The following XIST variants were observed in gnomAD, a reference collection of about 807,000 sequenced individuals.
The protein encoded by XIST is X inactive specific transcript (non-protein coding).
At chrX:73,852,103 AAT>A (rs756439452) in exon 1 of XIST, 4 of 530,165 alleles carry the variant, frequency 7.5e-6, no homozygotes, top group South Asian at 5.0e-5. Context: ...GGCAAGGAAA[AAT>A]AAAAAAAAAA....
At chrX:73,842,370 A>C in exon 1 of XIST, 1 of 551,167 alleles carries the variant, frequency 1.8e-6, no homozygotes, top group African/African-American at 2.2e-5. Context: ...AAAATAAAGG[A>C]TGGCAATCCA....
At chrX:73,830,704 C>T (rs1035163700) in intron 4 of XIST, among the ~76,000 whole-genome samples, 2 of 112,092 alleles carry the variant, frequency 1.8e-5, no homozygotes, top group African/African-American at 6.5e-5. Context: ...TTCTGTAAGG[C>T]TTTAAGAGAG....
intron 1 of XIST, chrX:73,841,209 T>C (rs140591860): frequency 3.4e-4 from 116 of 342,956 alleles, no homozygotes; most frequent in African/African-American, 2.7e-3. Flanking sequence ...CACATATGTG[T>C]ATTTATGCAT....
exon 1 of XIST, chrX:73,844,591 G>A: frequency 1.8e-6 from 1 of 559,029 alleles, no homozygotes; most frequent in African/African-American, 2.2e-5. Context: ...CAAATGTAAG[G>A]GTCTTATGGA....
At chrX:73,825,043 A>C (rs181491354) in exon 6 of XIST, 1 of 513,474 alleles carries the variant, frequency 1.9e-6, no homozygotes, top group East Asian at 3.6e-5. Flanking sequence ...TTTACAAAGC[A>C]CTTTAATATG....
At chrX:73,847,511 C>T in exon 1 of XIST, 1 of 513,735 alleles carries the variant, frequency 1.9e-6, no homozygotes, top group Non-Finnish European at 3.5e-6. Context: ...TGAGCCACCA[C>T]ACCCGGCCTC....
exon 1 of XIST, chrX:73,850,707 GGGGGGTGGGGAGGTGGGGGGTGGGGGGT>G (rs750226773): frequency 7.7e-6 from 2 of 259,118 alleles, no homozygotes; most frequent in African/African-American, 4.6e-5. Context: ...TAGGGGGGTA[GGGGGGTGGGGAGGTGGGGGGTGGGGGGT>G]GGGGGTGGGG....
chrX:73,834,621 A>C lies in XIST; in HGVS notation n.11407-1247T>G, dbSNP rs759935960. Among the ~76,000 whole-genome samples, 7 of 112,040 alleles carry C rather than the reference A, an allele frequency of 6.2e-5. No individual in the cohort carries two copies. The East Asian group carries it at 1.7e-3, about 27-fold the overall frequency. On this transcript the variant is annotated intron_variant and non_coding_transcript_variant, in intron 2 of 5. Transcript: ENST00000429829. ...CAAAGTCTTATGGAGAGAATAACTG[A>C]GTGGCACAGCCAGCCATCTGGTTCA...
At chrX:73,827,422 G>A (rs771397792) in exon 6 of XIST, 10 of 550,977 alleles carry the variant, frequency 1.8e-5, no homozygotes, top group Non-Finnish European at 2.0e-5. Context: ...AAGAAGCAGA[G>A]AACAAATACA....
exon 1 of XIST, chrX:73,852,334 G>A (rs760160741): frequency 1.3e-5 from 7 of 541,864 alleles, no homozygotes; most frequent in African/African-American, 2.3e-5. Flanking sequence ...CCACGGCCCC[G>A]TTGGGCAAAG....
intron 5 of XIST, chrX:73,828,113 T>A (rs759231593): frequency 7.8e-5 from 34 of 435,546 alleles, no homozygotes; most frequent in Non-Finnish European, 1.3e-4. Flanking sequence ...AAAAGTGTCA[T>A]TAGTAATTAT....
chrX:73,832,291 G>A (rs1304565810), intron 3 of XIST, among the ~76,000 whole-genome samples: 5 of 108,507 alleles, frequency 4.6e-5, no homozygotes, highest in African/African-American at 6.8e-5. Flanking sequence ...CTGAGATTGC[G>A]CCATTGCACT....
At chrX:73,825,731 C>A (rs1922235212) in exon 6 of XIST, 3 of 513,233 alleles carry the variant, frequency 5.8e-6, no homozygotes, top group Non-Finnish European at 1.0e-5. Flanking sequence ...AACTGTGGAC[C>A]CCTGATTTAC....
exon 6 of XIST, chrX:73,826,448 A>G (rs780352454): frequency 3.6e-6 from 2 of 558,050 alleles, no homozygotes; most frequent in South Asian, 2.2e-5. Flanking sequence ...ACAAAACACT[A>G]TAGCCTAACA....
At chrX:73,849,685 G>C (rs1245500330) in exon 1 of XIST, 1 of 555,922 alleles carries the variant, frequency 1.8e-6, no homozygotes, top group Non-Finnish European at 3.2e-6. Context: ...TGGTCAAGGA[G>C]TCAGTACTGA....
intron 5 of XIST, chrX:73,828,257 C>T: frequency 3.5e-6 from 1 of 285,718 alleles, no homozygotes; most frequent in Non-Finnish European, 6.1e-6. Flanking sequence ...CATGCCAACT[C>T]TGCCTGCTAC....
exon 6 of XIST, chrX:73,822,267 C>A: frequency 1.8e-6 from 1 of 558,418 alleles, no homozygotes; most frequent in Non-Finnish European, 3.2e-6. Flanking sequence ...ACTTAAGGAG[C>A]AAGCTCACTA....
chrX:73,844,112 C>T (rs1324692399), exon 1 of XIST: 1 of 556,391 alleles, frequency 1.8e-6, no homozygotes, highest in African/African-American at 2.2e-5. Context: ...AGAGGTGGGG[C>T]ATCCTTGTCT....
intron 3 of XIST, chrX:73,831,448 A>G (rs1922379244): frequency 2.7e-6 from 1 of 371,501 alleles, no homozygotes; most frequent in African/African-American, 2.5e-5. Flanking sequence ...ACTTAGCAAA[A>G]AAAAAAAAAA....
Sources: allele counts gnomAD v4.1 joint callset (sites outside exome capture counted in the v4.1 genomes callset), GRCh38; gene constraint gnomAD v4.1.1; transcripts MANE v1.5; gene names NCBI Gene and HGNC (gene_info 2026-07-23, HGNC 2026-07-21).